The following DENND5B variants were observed in gnomAD, a reference collection of about 807,000 sequenced individuals.
DENND5B encodes DENN domain containing 5B.
In DENND5B, 34 loss-of-function variants were observed where a neutral mutation model predicts 140.6. That is an observed-to-expected ratio of 0.24 (90% CI 0.18 to 0.32). DENND5B has a LOEUF of 0.32. DENND5B is among the 10% of genes least tolerant of loss of function. The pLI is 1.00. For missense variants in DENND5B, 1,142 were observed against 1,560.2 expected, an observed-to-expected ratio of 0.73 and a Z score of 4.52; for synonymous variants, 551 against 562.1, an observed-to-expected ratio of 0.98 and a Z score of 0.28.
chr12:31,545,404 T>G (rs749264973), intron 1 of DENND5B, among the ~76,000 whole-genome samples: 3 of 152,172 alleles, frequency 2.0e-5, no homozygotes, highest in Non-Finnish European at 4.4e-5. Flanking sequence ...CTCCATCTAA[T>G]AGTCCCCAGT....
chr12:31,499,675 C>T, intron 1 of DENND5B: 2 of 1,463,194 alleles, frequency 1.4e-6, no homozygotes, highest in African/African-American at 2.8e-5. Flanking sequence ...TACAAAACTA[C>T]ATAATGTAAC....
intron 7 of DENND5B, among the ~76,000 whole-genome samples, chr12:31,440,901 A>G (rs1385199471): frequency 6.6e-6 from 1 of 152,056 alleles, no homozygotes; most frequent in Non-Finnish European, 1.5e-5. Flanking sequence ...ACACCCAGCT[A>G]ATTTTTGTAT....
chr12:31,582,856 A>G lies in DENND5B; in HGVS notation c.127+7850T>C, dbSNP rs151135348. ...TATGATACAGCATATGTTACTAGGG[A>G]GACAGCAAATATAGTGGTTATGGGT... On this transcript the variant is annotated intron_variant, in intron 1 of 20. Coordinates refer to ENST00000389082, the MANE Select transcript of DENND5B (RefSeq NM_144973.4). 2.8e-3 allele frequency among the ~76,000 whole-genome samples: 433 copies of G among 152,364 alleles called. 1 individual carries two copies. Among genetic ancestry groups the G allele is most frequent in the African/African-American group, 9.7e-3 (402 of 41,584 alleles).
intron 3 of DENND5B, among the ~76,000 whole-genome samples, chr12:31,471,978 T>C (rs1232631291): frequency 6.6e-6 from 1 of 152,154 alleles, no homozygotes; most frequent in Non-Finnish European, 1.5e-5. Context: ...ATGAAGAAGC[T>C]GATATGCTCT....
At chr12:31,515,927 G>T (rs1947621011) in intron 1 of DENND5B, among the ~76,000 whole-genome samples, 1 of 152,090 alleles carries the variant, frequency 6.6e-6, no homozygotes. Context: ...TCAACTGTTA[G>T]AGACAATTAT....
At chr12:31,494,182 ATCCATCCATCCATCCAT>A (rs1946659372) in intron 2 of DENND5B, among the ~76,000 whole-genome samples, 2 of 49,816 alleles carry the variant, frequency 4.0e-5, no homozygotes, top group East Asian at 7.1e-4. Context: ...CTATCTATCT[ATCCATCCATCCATCCAT>A]CCACCTACCT....
chr12:31,427,824 C>T (rs888163013), intron 8 of DENND5B, among the ~76,000 whole-genome samples: 1 of 152,086 alleles, frequency 6.6e-6, no homozygotes, highest in African/African-American at 2.4e-5. Flanking sequence ...GAAATCTATC[C>T]TTACTATCTT....
At position 31,389,469 on chromosome 12, in the gene DENND5B, C is replaced by A; in HGVS notation, c.3496G>T (p.Asp1166Tyr). 6.3e-7 allele frequency: 1 copy of A among 1,595,142 alleles called. No homozygotes were observed. Among genetic ancestry groups the A allele is most frequent in the South Asian group, 1.1e-5 (1 of 87,956 alleles). ...EKVVAYFETT[D>Y]QILDNEDDVL... Reference sequence around the variant, plus strand: ...TCATCTTCATTATCTAGAATCTGGTCAGTTGTTTCAAAATAAGCAACCACT... The same window carrying A: ...TCATCTTCATTATCTAGAATCTGGTAAGTTGTTTCAAAATAAGCAACCACT... The change falls in exon 20 of 21, where the codon GAC becomes TAC. Residue 1166 changes from aspartate to tyrosine, a missense_variant. Physicochemically the swap from Asp to Tyr is radical, Grantham distance 160. Around this residue, in one of 5 missense-constraint regions of DENND5B, gnomAD observed 125 missense variants for 179.0 expected, o/e 0.70. Transcript: ENST00000389082.
chr12:31,431,647 T>C (rs1162053663), intron 8 of DENND5B, among the ~76,000 whole-genome samples: 2 of 152,130 alleles, frequency 1.3e-5, no homozygotes, highest in Non-Finnish European at 2.9e-5. Context: ...TCTGTGGAGA[T>C]AAAACCCAGC....
intron 11 of DENND5B, among the ~76,000 whole-genome samples, chr12:31,419,036 T>TA (rs958051768): frequency 2.0e-5 from 3 of 152,168 alleles, no homozygotes; most frequent in African/African-American, 7.2e-5. Flanking sequence ...GAGAAGAGTT[T>TA]AAAAGCCTGT....
chr12:31,519,054 G>A (rs191945791), intron 1 of DENND5B, among the ~76,000 whole-genome samples: 44 of 152,320 alleles, frequency 2.9e-4, no homozygotes, highest in Middle Eastern at 3.4e-3. Flanking sequence ...TTGTTCATGA[G>A]AGTAAAAGTG....
chr12:31,583,308 A>AAAG lies in DENND5B; in HGVS notation c.127+7397_127+7398insCTT, dbSNP rs1555177424. ...CTCAGTCTTTTAAAAAAAAAAAAAA[A>AAAG]AGAGAGAGAGAGAGAAAAGAATGCC... On this transcript the variant is annotated intron_variant, in intron 1 of 20. Coordinates refer to ENST00000389082, the MANE Select transcript of DENND5B (RefSeq NM_144973.4). 6.5e-3 allele frequency among the ~76,000 whole-genome samples: 950 copies of AAAG among 145,454 alleles called. 13 individuals are homozygous for AAAG. The highest frequency in any genetic ancestry group is 0.02 in the African/African-American group (788 of 39,240).
intron 1 of DENND5B, among the ~76,000 whole-genome samples, chr12:31,554,215 C>A (rs1424307462): frequency 6.6e-6 from 1 of 152,146 alleles, no homozygotes; most frequent in African/African-American, 2.4e-5. Flanking sequence ...TTGTTCCTTT[C>A]CATGTTTAGT....
At chr12:31,426,518 GC>G (rs1244848903) in intron 8 of DENND5B, 94 bp from the exon 9 acceptor site, 4 of 1,406,522 alleles carry the variant, frequency 2.8e-6, no homozygotes, top group Non-Finnish European at 3.8e-6. Flanking sequence ...CAAATGAAAT[GC>G]AAAAAAGTCC....
At chr12:31,398,755 T>C (rs1300928426) in intron 16 of DENND5B, among the ~76,000 whole-genome samples, 1 of 152,162 alleles carries the variant, frequency 6.6e-6, no homozygotes, top group East Asian at 1.9e-4. Context: ...TATTTTCTTT[T>C]TTTTCTGAGA....
intron 2 of DENND5B, among the ~76,000 whole-genome samples, chr12:31,493,647 T>C (rs1218052901): frequency 6.6e-6 from 1 of 152,094 alleles, no homozygotes; most frequent in Non-Finnish European, 1.5e-5. Flanking sequence ...CTGGCCAATA[T>C]GGTGAAACCC....
chr12:31,402,049 C>T lies in DENND5B; in HGVS notation c.2949+449G>A, dbSNP rs1047737927. ...AGATCACACCACTGCACAGCCTGGG[C>T]GAAAGAGCAAGATTCCGTCTCAAAA... On this transcript the variant is annotated intron_variant, in intron 15 of 20. Coordinates refer to ENST00000389082, the MANE Select transcript of DENND5B (RefSeq NM_144973.4). Among the ~76,000 whole-genome samples the T allele has an allele frequency of 6.0e-5, 8 of 132,510 alleles. No homozygotes were observed. The South Asian group carries it at 9.7e-4, about 16-fold the overall frequency. The allele number at this position is 132,510 out of a possible 152,430, so 86.9% of individuals were successfully genotyped here. A position where few individuals can be genotyped will look rare whatever the true frequency, so the allele number is the denominator to read the frequency against.
At position 31,384,586 on chromosome 12, in the gene DENND5B, C is replaced by T. The variant is rs773718106; in HGVS notation, c.*3017G>A. The T allele has an allele frequency of 5.3e-5, 8 of 152,052 alleles. No homozygotes were observed. The highest frequency in any genetic ancestry group is 1.0e-4 in the Non-Finnish European group (7 of 68,024). 9.4% of individuals were successfully genotyped at this position (152,052 alleles called of 1,614,324 possible). The stretch of plus-strand genomic sequence containing the variant: ...ATGGGCTCACAAGGTGACTGAAGGA[C>T]CCATCATCCAAGAGGATGTGTCAGT... On this transcript the variant is annotated 3_prime_UTR_variant, in exon 21 of 21. Transcript: ENST00000389082.
At chr12:31,437,244 G>T (rs1046973432) in intron 7 of DENND5B, among the ~76,000 whole-genome samples, 8 of 151,226 alleles carry the variant, frequency 5.3e-5, no homozygotes, top group Admixed American at 2.0e-4. Flanking sequence ...CCGGGTTCAT[G>T]CCATTCTCCT....
Sources: allele counts gnomAD v4.1 joint callset (sites outside exome capture counted in the v4.1 genomes callset), GRCh38; gene constraint gnomAD v4.1.1; regional missense constraint gnomAD v4.1.1; transcripts MANE v1.5; gene names NCBI Gene and HGNC (gene_info 2026-07-23, HGNC 2026-07-21).